RSRC1: variants seen among roughly 807,000 people sequenced by gnomAD.
The protein encoded by RSRC1 is serine/Arginine-related protein 53.
Under a neutral mutation model 49.1 loss-of-function variants are expected in RSRC1, and 39 were observed. That is an observed-to-expected ratio of 0.79 (90% CI 0.61 to 1.04). RSRC1 has a LOEUF of 1.04. Among genes scored for constraint, RSRC1 ranks in the 50% least tolerant of loss-of-function variants. The probability of loss-of-function intolerance (pLI) is 0.00; values close to 1 mark genes in which losing one functional copy is unlikely to be tolerated. For synonymous variants in RSRC1, 143 were observed against 130.8 expected, an observed-to-expected ratio of 1.09 and a Z score of -0.63; for missense variants, 388 against 402.4, an observed-to-expected ratio of 0.96 and a Z score of 0.31.
chr3:158,204,885 G>T (rs916234725), intron 4 of RSRC1, among the ~76,000 whole-genome samples: 1 of 151,940 alleles, frequency 6.6e-6, no homozygotes, highest in Non-Finnish European at 1.5e-5. Flanking sequence ...ATTATATGGG[G>T]AATTTTAAAG....
At chr3:158,413,648 A>AG (rs1734587115) in intron 6 of RSRC1, among the ~76,000 whole-genome samples, 1 of 138,682 alleles carries the variant, frequency 7.2e-6, no homozygotes, top group Non-Finnish European at 1.7e-5. Flanking sequence ...TACAAGAGAA[A>AG]AAAAAAGCCC....
chr3:158,496,908 C>T (rs1056169175), intron 7 of RSRC1: 13 of 204,292 alleles, frequency 6.4e-5, no homozygotes, highest in Admixed American at 1.3e-4. Flanking sequence ...ATGTCATTGA[C>T]GAGTACTTCA....
chr3:158,313,434 A>G (rs1728239115), intron 5 of RSRC1, among the ~76,000 whole-genome samples: 1 of 152,340 alleles, frequency 6.6e-6, no homozygotes, highest in African/African-American at 2.4e-5. Flanking sequence ...TCTCATCATG[A>G]AAAATTCAGA....
intron 5 of RSRC1, among the ~76,000 whole-genome samples, chr3:158,320,300 A>G (rs1728690299): frequency 6.6e-6 from 1 of 152,212 alleles, no homozygotes; most frequent in South Asian, 2.1e-4. Flanking sequence ...AAATTTTCTA[A>G]TATAACCAGT....
chr3:158,267,663 C>T (rs1725266227), intron 4 of RSRC1, among the ~76,000 whole-genome samples: 1 of 151,070 alleles, frequency 6.6e-6, no homozygotes, highest in Admixed American at 6.6e-5. Flanking sequence ...TTGCTTTTAC[C>T]TTTAGAATTT....
intron 5 of RSRC1, among the ~76,000 whole-genome samples, chr3:158,345,046 C>G (rs1295623639): frequency 6.6e-6 from 1 of 151,614 alleles, no homozygotes; most frequent in African/African-American, 2.4e-5. Context: ...TGGTGAAACC[C>G]CATCTCTACT....
rs77796621 is a variant in RSRC1 at position 158,531,866 on chromosome 3, A to G, written c.653-5226A>G. Among the ~76,000 whole-genome samples, 631 of 152,022 alleles carry G rather than the reference A, an allele frequency of 4.2e-3. 5 individuals are homozygous for G. The highest frequency in any genetic ancestry group is 0.015 in the African/African-American group (607 of 41,522). On this transcript the variant is annotated intron_variant, in intron 7 of 9. Transcript: ENST00000611884. ...AGAAATTTAAAACTTTAGAATTCCA[A>G]TTAAGCTTTATGAGATGTTTTGTCC...
intron 5 of RSRC1, among the ~76,000 whole-genome samples, chr3:158,330,910 A>G (rs1327399582): frequency 6.7e-6 from 1 of 149,842 alleles, no homozygotes; most frequent in Admixed American, 6.7e-5. Flanking sequence ...AAAAGGTTTA[A>G]TGGACTCACA....
At chr3:158,444,935 A>G (rs1578486876) in intron 6 of RSRC1, among the ~76,000 whole-genome samples, 1 of 152,334 alleles carries the variant, frequency 6.6e-6, no homozygotes, top group East Asian at 1.9e-4. Context: ...AGAAAAATGC[A>G]AATCAAAACC....
intron 4 of RSRC1, chr3:158,275,837 T>C (rs1253616663): frequency 3.7e-6 from 2 of 537,404 alleles, no homozygotes; most frequent in East Asian, 4.3e-5. Flanking sequence ...CTGGAGAGTA[T>C]TGCGCCTTCT....
chr3:158,276,759 T>A (rs1214082770), intron 4 of RSRC1, among the ~76,000 whole-genome samples: 1 of 152,218 alleles, frequency 6.6e-6, no homozygotes, highest in Non-Finnish European at 1.5e-5. Context: ...TTAGCTCTCC[T>A]TGTATTTTGT....
In RSRC1 at chr3:158,148,213, C is replaced by G. The variant is rs577988394; in HGVS notation, c.320+24222C>G. On this transcript the variant is annotated intron_variant, in intron 3 of 9. Transcript: ENST00000611884. The stretch of plus-strand genomic sequence containing the variant: ...TTTATCTGTCCCCTTTGTAGCTCTT[C>G]TTGTTTGGTGCATGTAAGACTATTG... 4.6e-5 allele frequency among the ~76,000 whole-genome samples: 7 copies of G among 152,230 alleles called. No individual in the cohort carries two copies. The East Asian group carries it at 1.4e-3, about 29-fold the overall frequency.
chr3:158,209,927 A>G lies in RSRC1; in HGVS notation c.494+6682A>G, dbSNP rs187553966. ...GTTAGTTATGGCTTTAACCTTGGCA[A>G]AATTCCAGTGTCTTCAGTTTTAGAG... On this transcript the variant is annotated intron_variant, in intron 4 of 9. Transcript: ENST00000611884. 9.3e-4 allele frequency among the ~76,000 whole-genome samples: 141 copies of G among 152,232 alleles called. 2 individuals are homozygous for G. The Middle Eastern group carries it at 0.044, about 48-fold the overall frequency.
At chr3:158,314,889 G>A (rs1054149165) in intron 5 of RSRC1, among the ~76,000 whole-genome samples, 11 of 152,042 alleles carry the variant, frequency 7.2e-5, no homozygotes, top group African/African-American at 2.7e-4. Flanking sequence ...AAAATCAGCC[G>A]AGCGTGGTGG....
chr3:158,301,266 G>C (rs1000203297), intron 5 of RSRC1, among the ~76,000 whole-genome samples: 3 of 152,010 alleles, frequency 2.0e-5, no homozygotes, highest in Non-Finnish European at 4.4e-5. Context: ...CTCAGACTTT[G>C]AAGGCTGTTG....
intron 6 of RSRC1, among the ~76,000 whole-genome samples, chr3:158,444,506 G>A (rs1736574113): frequency 6.6e-6 from 1 of 151,876 alleles, no homozygotes; most frequent in South Asian, 2.1e-4. Flanking sequence ...CAAAAAGTAA[G>A]TCAAGATGGA....
chr3:158,443,644 C>A (rs543039113), intron 6 of RSRC1, among the ~76,000 whole-genome samples: 1 of 152,258 alleles, frequency 6.6e-6, no homozygotes, highest in East Asian at 1.9e-4. Flanking sequence ...CACTTTCTTA[C>A]CATTTATGTG....
At chr3:158,501,457 A>G (rs1739591624) in intron 7 of RSRC1, among the ~76,000 whole-genome samples, 1 of 152,110 alleles carries the variant, frequency 6.6e-6, no homozygotes. Flanking sequence ...TCAGTGGAGT[A>G]TTGAAGTCCC....
chr3:158,540,233 A>G (rs2108508048), intron 8 of RSRC1, among the ~76,000 whole-genome samples: 1 of 152,314 alleles, frequency 6.6e-6, no homozygotes, highest in East Asian at 1.9e-4. Context: ...GGAGACATAC[A>G]AATGTTTGAG....
Sources: gnomAD v4.1 joint callset for allele counts (sites outside exome capture counted in the v4.1 genomes callset) on GRCh38, gnomAD v4.1.1 for gene constraint, MANE v1.5 for transcripts, NCBI Gene and HGNC (gene_info 2026-07-23, HGNC 2026-07-21) for gene names.